Variants in CAMK1D observed in about 807,000 individuals in gnomAD.
CAMK1D encodes the protein calcium/calmodulin-dependent protein kinase type 1D.
Under a neutral mutation model 47.7 loss-of-function variants are expected in CAMK1D, and 9 were observed. The observed-to-expected ratio is 0.19, with a 90% CI of 0.11 to 0.33. CAMK1D has a LOEUF of 0.33. Among genes scored for constraint, CAMK1D ranks in the 10% least tolerant of loss-of-function variants. The probability of loss-of-function intolerance (pLI) is 1.00; values close to 1 mark genes in which losing one functional copy is unlikely to be tolerated. For synonymous variants in CAMK1D, 184 were observed against 184.9 expected (o/e 0.99, Z 0.04); for missense variants, 291 against 488.7 (o/e 0.60, Z 3.81).
At chr10:12,623,100 CATCG>C (rs1362895420) in intron 2 of CAMK1D, among the ~76,000 whole-genome samples, 4 of 110,252 alleles carry the variant, frequency 3.6e-5, no homozygotes, top group Admixed American at 8.9e-5. Context: ...TCCCTTCCTC[CATCG>C]CTCCCTCCCT....
intron 3 of CAMK1D, among the ~76,000 whole-genome samples, chr10:12,698,819 C>A (rs990688765): frequency 4.0e-5 from 6 of 151,574 alleles, no homozygotes; most frequent in Admixed American, 6.6e-5. Context: ...ACTACAGGTA[C>A]GTGCCACCAC....
intron 3 of CAMK1D, among the ~76,000 whole-genome samples, chr10:12,759,806 C>T (rs1836415761): frequency 1.3e-5 from 2 of 152,082 alleles, no homozygotes; most frequent in African/African-American, 4.8e-5. Flanking sequence ...AAGAAGGTTT[C>T]AGTGGATCAG....
chr10:12,457,004 C>A (rs1294858262), intron 1 of CAMK1D, among the ~76,000 whole-genome samples: 1 of 152,084 alleles, frequency 6.6e-6, no homozygotes, highest in East Asian at 1.9e-4. Flanking sequence ...TGGAAGCCGC[C>A]AAGTGGCCAT....
chr10:12,396,675 T>G (rs1838967957), intron 1 of CAMK1D, among the ~76,000 whole-genome samples: 1 of 152,220 alleles, frequency 6.6e-6, no homozygotes, highest in African/African-American at 2.4e-5. Flanking sequence ...CAATCTTCTT[T>G]GAGTTAAGAT....
At chr10:12,675,711 C>G (rs1267495345) in intron 3 of CAMK1D, among the ~76,000 whole-genome samples, 1 of 152,168 alleles carries the variant, frequency 6.6e-6, no homozygotes, top group East Asian at 1.9e-4. Flanking sequence ...TGTTGAAAAA[C>G]TCCCATTGGC....
At chr10:12,496,358 T>G (rs4532925) in intron 1 of CAMK1D, among the ~76,000 whole-genome samples, 72,640 of 152,024 alleles carry the variant, frequency 0.48, 18,633 homozygotes, top group East Asian at 0.8. Context: ...TCTAGGGTCG[T>G]TGTGGCTCTT....
At chr10:12,822,896 A>G (rs1833063869) in intron 8 of CAMK1D, among the ~76,000 whole-genome samples, 1 of 152,196 alleles carries the variant, frequency 6.6e-6, no homozygotes, top group Non-Finnish European at 1.5e-5. Context: ...AAGGCAGTTG[A>G]CAGTTGTTGG....
chr10:12,795,915 C>T (rs1347719283), intron 6 of CAMK1D, among the ~76,000 whole-genome samples: 3 of 152,236 alleles, frequency 2.0e-5, no homozygotes, highest in African/African-American at 4.8e-5. Context: ...CTGAGGACGG[C>T]GTGGGTTGCG....
intron 1 of CAMK1D, among the ~76,000 whole-genome samples, chr10:12,423,925 C>T (rs1187429306): frequency 6.6e-6 from 1 of 152,192 alleles, no homozygotes; most frequent in African/African-American, 2.4e-5. Context: ...CAGCGGGGTC[C>T]TGTGCCTTCC....
intron 2 of CAMK1D, among the ~76,000 whole-genome samples, chr10:12,656,335 T>C (rs45522738): frequency 0.048 from 7,229 of 152,140 alleles, 233 homozygotes; most frequent in Middle Eastern, 0.071. Context: ...TACAAAAATA[T>C]GCCAAAATTA....
chr10:12,794,591 T>C (rs1270943478), intron 6 of CAMK1D, among the ~76,000 whole-genome samples: 3 of 152,134 alleles, frequency 2.0e-5, no homozygotes, highest in African/African-American at 7.2e-5. Context: ...TTCCTTTGAG[T>C]ATAAATTTGG....
chr10:12,542,886 C>T (rs150889932), intron 1 of CAMK1D, among the ~76,000 whole-genome samples: 73 of 152,156 alleles, frequency 4.8e-4, no homozygotes, highest in African/African-American at 1.7e-3. Flanking sequence ...GCTGGGATTA[C>T]AGGCATGCGC....
intron 3 of CAMK1D, among the ~76,000 whole-genome samples, chr10:12,693,064 G>A (rs1256388839): frequency 1.3e-5 from 2 of 152,034 alleles, no homozygotes; most frequent in Non-Finnish European, 2.9e-5. Context: ...ATCAGTTGAG[G>A]TCTTAAGAGC....
intron 1 of CAMK1D, among the ~76,000 whole-genome samples, chr10:12,413,574 G>T (rs111361345): frequency 0.012 from 12 of 1,016 alleles, no homozygotes; most frequent in South Asian, 0.033. Context: ...ATGACATTGG[G>T]GATGATGATA....
chr10:12,616,772 C>T (rs1838837654), intron 2 of CAMK1D, among the ~76,000 whole-genome samples: 1 of 152,190 alleles, frequency 6.6e-6, no homozygotes, highest in Non-Finnish European at 1.5e-5. Context: ...CCGCCTCGGC[C>T]TCCCAAAGTG....
intron 2 of CAMK1D, among the ~76,000 whole-genome samples, chr10:12,573,363 C>T (rs1837385894): frequency 7.5e-6 from 1 of 132,472 alleles, no homozygotes; most frequent in South Asian, 2.1e-4. Context: ...TATCGTCATG[C>T]AGAGCTGGTT....
At position 12,561,311 on chromosome 10, in the gene CAMK1D, G is replaced by A. The variant is rs183256637; in HGVS notation, c.224+7955G>A. Among the ~76,000 whole-genome samples, 4 of 152,186 alleles carry A rather than the reference G, an allele frequency of 2.6e-5. No individual in the cohort carries two copies. In the East Asian group the frequency reaches 7.7e-4, roughly 29 times the overall value. On this transcript the variant is annotated intron_variant, in intron 2 of 10. Coordinates refer to ENST00000619168, the MANE Select transcript of CAMK1D (RefSeq NM_153498.4). The stretch of plus-strand genomic sequence containing the variant: ...GTGGTTAAAGCCGAAAACTTGCCAA[G>A]CTTTGGGCACGTACATGTGAGCCTG...
chr10:12,737,812 G>T (rs1835252804), intron 3 of CAMK1D, among the ~76,000 whole-genome samples: 1 of 152,134 alleles, frequency 6.6e-6, no homozygotes, highest in African/African-American at 2.4e-5. Flanking sequence ...TATTAAGAAT[G>T]CCTGTTGTAG....
At chr10:12,531,749 G>C (rs193086485) in intron 1 of CAMK1D, among the ~76,000 whole-genome samples, 1 of 152,166 alleles carries the variant, frequency 6.6e-6, no homozygotes, top group Non-Finnish European at 1.5e-5. Context: ...GACATCGCCC[G>C]GCCTGTCTCT....
Sources: allele counts gnomAD v4.1 joint callset (sites outside exome capture counted in the v4.1 genomes callset), GRCh38; gene constraint gnomAD v4.1.1; transcripts MANE v1.5; gene names NCBI Gene and HGNC (gene_info 2026-07-23, HGNC 2026-07-21).